The following ENOX1 variants were observed in gnomAD, a reference collection of about 807,000 sequenced individuals.
The protein encoded by ENOX1 is ecto-NOX disulfide-thiol exchanger 1.
ENOX1 carries 42 observed loss-of-function variants against 82.5 expected under a neutral mutation model. The observed-to-expected ratio is 0.51, with a 90% confidence interval of 0.40 to 0.66. The LOEUF (loss-of-function observed/expected upper bound fraction) is 0.66. Among genes scored for constraint, ENOX1 ranks in the 30% least tolerant of loss-of-function variants. ENOX1 has a pLI of 0.00. For synonymous variants in ENOX1, 271 were observed against 282.2 expected, an observed-to-expected ratio of 0.96 and a Z score of 0.40; for missense variants, 608 against 811.6, an observed-to-expected ratio of 0.75 and a Z score of 3.05.
chr13:43,337,260 A>G (rs1009710673), intron 9 of ENOX1, among the ~76,000 whole-genome samples: 10 of 152,216 alleles, frequency 6.6e-5, no homozygotes, highest in African/African-American at 2.4e-4. Flanking sequence ...ATGTGCTTAC[A>G]AGAATTATGC....
intron 12 of ENOX1, among the ~76,000 whole-genome samples, chr13:43,295,023 G>T (rs2153504751): frequency 6.6e-6 from 1 of 152,334 alleles, no homozygotes; most frequent in East Asian, 1.9e-4. Flanking sequence ...TATATTGATT[G>T]TGGTAGTGGT....
intron 3 of ENOX1, among the ~76,000 whole-genome samples, chr13:43,478,666 A>T (rs925930041): frequency 6.6e-6 from 1 of 152,200 alleles, no homozygotes; most frequent in Non-Finnish European, 1.5e-5. Flanking sequence ...CCTTTAGTCC[A>T]GTTCTCATTT....
Position 43,629,313 on chromosome 13 carries a change from TAGAG to T in ENOX1, c.-219+38162_-219+38165del, listed in dbSNP as rs890911830. Among the ~76,000 whole-genome samples the T allele has an allele frequency of 5.2e-4, 79 of 152,348 alleles. 1 individual carries two copies. Among genetic ancestry groups the T allele is most frequent in the African/African-American group, 1.8e-3 (75 of 41,584 alleles). Reference sequence around the variant, plus strand: ...ATGTCCCTTTTTCTACATTTCTGGCTAGAGAGAGTAGGCTTCACTGGGGGCTTTT... The same window carrying T: ...ATGTCCCTTTTTCTACATTTCTGGCTAGAGTAGGCTTCACTGGGGGCTTTT... On this transcript the variant is annotated intron_variant, in intron 2 of 16. Transcript: ENST00000690772.
intron 12 of ENOX1, among the ~76,000 whole-genome samples, chr13:43,277,557 G>A (rs2045123844): frequency 6.6e-6 from 1 of 152,208 alleles, no homozygotes; most frequent in Non-Finnish European, 1.5e-5. Flanking sequence ...GAAGGACCCT[G>A]CTGCACCCTG....
chr13:43,366,792 T>A (rs961590928), intron 5 of ENOX1, among the ~76,000 whole-genome samples: 2 of 152,242 alleles, frequency 1.3e-5, no homozygotes, highest in Non-Finnish European at 2.9e-5. Context: ...ATTTATAATA[T>A]CTGTAAAATG....
intron 2 of ENOX1, among the ~76,000 whole-genome samples, chr13:43,543,014 T>C (rs2078810944): frequency 6.6e-6 from 1 of 152,176 alleles, no homozygotes; most frequent in Non-Finnish European, 1.5e-5. Flanking sequence ...TACCACCTAA[T>C]ACCATCATCT....
chr13:43,689,925 A>T (rs780641894), intron 1 of ENOX1, among the ~76,000 whole-genome samples: 3 of 152,180 alleles, frequency 2.0e-5, no homozygotes, highest in Non-Finnish European at 2.9e-5. Flanking sequence ...TGGAAAGACC[A>T]AGGAAAAGAA....
chr13:43,591,187 G>A (rs1328998683), intron 2 of ENOX1, among the ~76,000 whole-genome samples: 1 of 152,130 alleles, frequency 6.6e-6, no homozygotes, highest in Non-Finnish European at 1.5e-5. Flanking sequence ...TAAGGTCTTA[G>A]CAGCATTATT....
At chr13:43,623,795 A>G (rs1004319715) in intron 2 of ENOX1, among the ~76,000 whole-genome samples, 1 of 152,154 alleles carries the variant, frequency 6.6e-6, no homozygotes, top group Non-Finnish European at 1.5e-5. Flanking sequence ...ATTCTATGAT[A>G]TGTGTATATC....
chr13:43,522,692 G>A (rs938744423), intron 2 of ENOX1, among the ~76,000 whole-genome samples: 4 of 152,082 alleles, frequency 2.6e-5, no homozygotes, highest in Admixed American at 1.3e-4. Flanking sequence ...GTCTTTTCAT[G>A]CAGACCCTTG....
intron 3 of ENOX1, among the ~76,000 whole-genome samples, chr13:43,476,311 G>T (rs1332412740): frequency 6.6e-6 from 1 of 151,970 alleles, no homozygotes; most frequent in Non-Finnish European, 1.5e-5. Context: ...TTTAGTGAAG[G>T]TACCAGACAC....
At chr13:43,361,528 G>T in intron 5 of ENOX1, 76 bp from the exon 6 acceptor site, 2 of 1,380,508 alleles carry the variant, frequency 1.4e-6, no homozygotes, top group Non-Finnish European at 2.0e-6. Flanking sequence ...TTTTCCTGTG[G>T]ATTATTTGAC....
chr13:43,703,581 T>G (rs1021487443), intron 1 of ENOX1, among the ~76,000 whole-genome samples: 5 of 152,182 alleles, frequency 3.3e-5, no homozygotes, highest in Admixed American at 1.3e-4. Flanking sequence ...CTATAGAATA[T>G]CTCAATAACA....
At chr13:43,615,824 T>C (rs2082384477) in intron 2 of ENOX1, among the ~76,000 whole-genome samples, 1 of 151,816 alleles carries the variant, frequency 6.6e-6, no homozygotes, top group African/African-American at 2.4e-5. Flanking sequence ...CTCCCACTTA[T>C]GAGTGAGGAC....
chr13:43,762,136 G>C (rs117978017), intron 1 of ENOX1, among the ~76,000 whole-genome samples: 1 of 152,052 alleles, frequency 6.6e-6, no homozygotes, highest in East Asian at 1.9e-4. Flanking sequence ...TCGATTAAGC[G>C]GGAAACTCAT....
At chr13:43,520,659 G>A (rs543332332) in intron 2 of ENOX1, among the ~76,000 whole-genome samples, 209 of 152,238 alleles carry the variant, frequency 1.4e-3, no homozygotes, top group African/African-American at 4.9e-3. Context: ...TTTGCCGGGG[G>A]GCGGCCACTG....
chr13:43,427,296 G>A (rs1291644259), intron 3 of ENOX1, among the ~76,000 whole-genome samples: 2 of 152,064 alleles, frequency 1.3e-5, no homozygotes, highest in Non-Finnish European at 2.9e-5. Flanking sequence ...TCACATCCTC[G>A]ATCTCATGAA....
At chr13:43,749,826 C>G (rs1293410271) in intron 1 of ENOX1, among the ~76,000 whole-genome samples, 1 of 152,208 alleles carries the variant, frequency 6.6e-6, no homozygotes, top group Non-Finnish European at 1.5e-5. Context: ...TTCTCACCAT[C>G]ATCTTATTTC....
chr13:43,561,673 G>A (rs190282668), intron 2 of ENOX1, among the ~76,000 whole-genome samples: 9 of 152,054 alleles, frequency 5.9e-5, no homozygotes, highest in Admixed American at 5.9e-4. Flanking sequence ...CACAGAAAAG[G>A]GAGGCCCAAA....
Sources: allele counts gnomAD v4.1 joint callset (sites outside exome capture counted in the v4.1 genomes callset), GRCh38; gene constraint gnomAD v4.1.1; transcripts MANE v1.5; gene names NCBI Gene and HGNC (gene_info 2026-07-23, HGNC 2026-07-21).